The following GK variants were observed in gnomAD, a reference collection of about 807,000 sequenced individuals.
The protein encoded by GK is ATP:glycerol 3-phosphotransferase.
Under a neutral mutation model 56.4 loss-of-function variants are expected in GK, and 9 were observed. The ratio of observed to expected loss-of-function variants is 0.16; its 90% CI spans 0.10 to 0.28. The LOEUF (loss-of-function observed/expected upper bound fraction) is 0.28. Ranked by LOEUF, GK falls within the 10% of genes least tolerant of loss-of-function variation. GK has a pLI of 1.00. For synonymous variants in GK, 104 were observed against 144.1 expected, an observed-to-expected ratio of 0.72 and a Z score of 1.99; for missense variants, 161 against 431.4, an observed-to-expected ratio of 0.37 and a Z score of 5.55.
intron 4 of GK, among the ~76,000 whole-genome samples, chrX:30,681,226 A>G (rs1195715251): frequency 8.9e-6 from 1 of 112,462 alleles, no homozygotes; most frequent in East Asian, 2.8e-4. Context: ...TGTTCAAGGA[A>G]TTAATTGACA....
At position 30,707,577 on chromosome X, in the gene GK, A is replaced by C. The variant is rs1936084649; in HGVS notation, c.873A>C (p.Leu291Phe). The C allele has an allele frequency of 9.1e-7, 1 of 1,101,829 alleles. No homozygotes were observed. Among genetic ancestry groups the C allele is most frequent in the African/African-American group, 1.8e-5 (1 of 55,219 alleles). 90.8% of individuals were successfully genotyped at this position (1,101,829 alleles called of 1,213,427 possible). A position where few individuals can be genotyped will look rare whatever the true frequency, so the allele number is the denominator to read the frequency against. ...ATAGGTATGGAACAGGATGTTTCTT[A>C]CTATGTAATACAGGCCATAAGGTTG... ...AKNTYGTGCF[L>F]LCNTGHKCVF... The change falls in exon 12 of 21, where the codon TTA (leucine) becomes TTC (phenylalanine). Residue 291 changes from leucine to phenylalanine, a missense_variant. By Grantham distance (22) the Leu-to-Phe change is conservative. Transcript: ENST00000427190.
intron 4 of GK, among the ~76,000 whole-genome samples, chrX:30,679,405 A>G (rs1934150615): frequency 1.8e-5 from 2 of 110,143 alleles, no homozygotes; most frequent in East Asian, 5.7e-4. Flanking sequence ...TTCAGTAGAG[A>G]CAGGGTTTCA....
At chrX:30,695,556 C>G (rs1214306005) in intron 6 of GK, among the ~76,000 whole-genome samples, 2 of 112,449 alleles carry the variant, frequency 1.8e-5, no homozygotes. Context: ...TTAAAACTCT[C>G]CTTTCAGGAT....
At chrX:30,701,967 T>C (rs1404473664) in intron 11 of GK, among the ~76,000 whole-genome samples, 1 of 112,482 alleles carries the variant, frequency 8.9e-6, no homozygotes, top group Non-Finnish European at 1.9e-5. Flanking sequence ...CACTCTTTCT[T>C]TCTGTTCCCA....
At chrX:30,699,267 TAACATGTATATATACAACATGTTATAC>T (rs1935475767) in intron 9 of GK, among the ~76,000 whole-genome samples, 1 of 86,062 alleles carries the variant, frequency 1.2e-5, no homozygotes, top group Non-Finnish European at 2.4e-5. Flanking sequence ...ATGTTATGTA[TAACATGTATATATACAACATGTTATAC>T]ATAACATGTA....
At chrX:30,664,067 T>G (rs751532715) in intron 1 of GK, among the ~76,000 whole-genome samples, 78 of 84,336 alleles carry the variant, frequency 9.2e-4, no homozygotes, top group African/African-American at 3.7e-3. Context: ...TATATATATT[T>G]TATAGATATA....
At chrX:30,684,624 C>T (rs1259901587) in intron 4 of GK, among the ~76,000 whole-genome samples, 4 of 95,822 alleles carry the variant, frequency 4.2e-5, no homozygotes, top group Non-Finnish European at 2.0e-5. Context: ...TGAGATCGCG[C>T]CATTGCACTC....
chrX:30,719,916 T>G (rs1936820198), intron 15 of GK, 95 bp from the exon 16 acceptor site: 1 of 599,144 alleles, frequency 1.7e-6, no homozygotes. Context: ...TCCTGGACAT[T>G]TCTGTCTACC....
At chrX:30,712,945 A>C (rs1195671460) in intron 13 of GK, among the ~76,000 whole-genome samples, 1 of 110,299 alleles carries the variant, frequency 9.1e-6, no homozygotes, top group Non-Finnish European at 1.9e-5. Context: ...CGTGTTAGCC[A>C]GGATGGTCTC....
In GK at chrX:30,694,391, C is replaced by T. The variant is rs201582502; in HGVS notation, c.415-9C>T. 27 of 1,198,842 alleles carry T rather than the reference C, an allele frequency of 2.3e-5. No homozygotes were observed. The highest frequency in any genetic ancestry group is 2.9e-4 in the Middle Eastern group (1 of 3,395). ...TTCATTTGCTAACTGAACTTCACAACTGTTTTAGTCCAAGACAGGCCTTCC... is the reference window on the plus strand; with the variant it reads ...TTCATTTGCTAACTGAACTTCACAATTGTTTTAGTCCAAGACAGGCCTTCC... On this transcript the variant is annotated splice_polypyrimidine_tract_variant and intron_variant, in intron 5 of 20. Transcript: ENST00000427190.
chrX:30,704,128 T>TTATATGTATATATA (rs1555917606), intron 11 of GK, among the ~76,000 whole-genome samples: 2 of 74,936 alleles, frequency 2.7e-5, no homozygotes, highest in Non-Finnish European at 4.6e-5. Context: ...GTTATTCATT[T>TTATATGTATATATA]TATATATATA....
chrX:30,694,825 T>C (rs995241445), intron 6 of GK, among the ~76,000 whole-genome samples: 1 of 111,998 alleles, frequency 8.9e-6, no homozygotes, highest in African/African-American at 3.2e-5. Flanking sequence ...CCTTTCCCTA[T>C]TGTCTGTTAT....
chrX:30,688,677 C>G (rs1934759576), intron 4 of GK, among the ~76,000 whole-genome samples: 1 of 111,161 alleles, frequency 9.0e-6, no homozygotes, highest in Non-Finnish European at 1.9e-5. Context: ...TTAAGGTTTT[C>G]CAGGTAGTCC....
intron 4 of GK, among the ~76,000 whole-genome samples, chrX:30,679,554 A>C (rs762574077): frequency 1.8e-5 from 2 of 112,066 alleles, no homozygotes; most frequent in Non-Finnish European, 3.8e-5. Context: ...TTTTTCAAAT[A>C]ATGCAACTAG....
At chrX:30,692,756 G>A (rs986498864) in intron 5 of GK, among the ~76,000 whole-genome samples, 1 of 109,202 alleles carries the variant, frequency 9.2e-6, no homozygotes, top group African/African-American at 3.3e-5. Flanking sequence ...CACCGCGCCC[G>A]GCCTCCTTCC....
At chrX:30,718,820 TAAACTGGC>T (rs1936753866) in intron 14 of GK, among the ~76,000 whole-genome samples, 1 of 111,815 alleles carries the variant, frequency 8.9e-6, no homozygotes, top group African/African-American at 3.2e-5. Context: ...TGGTTGTTAA[TAAACTGGC>T]AATGTAGGGC....
At chrX:30,688,544 C>T (rs1464951319) in intron 4 of GK, among the ~76,000 whole-genome samples, 1 of 95,553 alleles carries the variant, frequency 1.0e-5, no homozygotes, top group Non-Finnish European at 2.1e-5. Flanking sequence ...AGAAAGAAAA[C>T]AGGTCCTCAT....
chrX:30,671,291 C>CAAAA (rs56822779), intron 3 of GK, among the ~76,000 whole-genome samples: 57 of 27,144 alleles, frequency 2.1e-3, no homozygotes, highest in African/African-American at 4.3e-3. Flanking sequence ...AACTCCATCT[C>CAAAA]AAAAAAAAAA....
At chrX:30,674,101 A>G (rs998244868) in intron 3 of GK, among the ~76,000 whole-genome samples, 2 of 111,821 alleles carry the variant, frequency 1.8e-5, no homozygotes, top group Non-Finnish European at 3.8e-5. Flanking sequence ...TGTACCAGGC[A>G]TGTGTTTTAA....
Sources: allele counts gnomAD v4.1 joint callset (sites outside exome capture counted in the v4.1 genomes callset), GRCh38; gene constraint gnomAD v4.1.1; transcripts MANE v1.5; gene names NCBI Gene and HGNC (gene_info 2026-07-23, HGNC 2026-07-21).